WASL: variants seen among roughly 807,000 people sequenced by gnomAD.
WASL encodes WASP like actin nucleation promoting factor.
In WASL, 20 loss-of-function variants were observed where a neutral mutation model predicts 55.5. The ratio of observed to expected loss-of-function variants is 0.36; its 90% CI spans 0.25 to 0.52. The LOEUF (loss-of-function observed/expected upper bound fraction) is 0.52, where lower values mean the gene tolerates loss of function less well. WASL is among the 20% of genes least tolerant of loss of function. The pLI, the probability that WASL is intolerant of heterozygous loss-of-function variation, is 0.92. For missense variants in WASL, 504 were observed against 622.5 expected (o/e 0.81, Z 2.03); for synonymous variants, 249 against 217.6 (o/e 1.14, Z -1.27).
In WASL at chr7:123,694,708, A is replaced by C; in HGVS notation, c.826+7T>G. The stretch of plus-strand genomic sequence containing the variant: ...AAAACAGAACGCTGAATAGAGATAA[A>C]AGTTACCTTGCCTCCGCAGTTCATT... On this transcript the variant is annotated splice_region_variant and intron_variant, in intron 8 of 10. Coordinates refer to ENST00000223023, the MANE Select transcript of WASL (RefSeq NM_003941.4). 6.2e-7 allele frequency: 1 copy of C among 1,612,100 alleles called. No homozygotes were observed. The highest frequency in any genetic ancestry group is 8.5e-7 in the Non-Finnish European group (1 of 1,179,332).
chr7:123,736,573 A>C (rs936821674), intron 1 of WASL, among the ~76,000 whole-genome samples: 35 of 152,188 alleles, frequency 2.3e-4, no homozygotes, highest in Admixed American at 1.8e-3. Context: ...CTGCTCCATT[A>C]TAATCTTATG....
intron 1 of WASL, among the ~76,000 whole-genome samples, chr7:123,733,692 G>A (rs983610512): frequency 1.3e-5 from 2 of 152,042 alleles, no homozygotes; most frequent in African/African-American, 4.8e-5. Context: ...TAACATCAGA[G>A]GACTGACACT....
chr7:123,739,124 T>A (rs1051214459), intron 1 of WASL, among the ~76,000 whole-genome samples: 1 of 152,212 alleles, frequency 6.6e-6, no homozygotes, highest in Non-Finnish European at 1.5e-5. Context: ...AATTTCCAAT[T>A]TTCTTTCTCC....
chr7:123,701,664 AT>A (rs1235511584), intron 5 of WASL, among the ~76,000 whole-genome samples: 1 of 152,210 alleles, frequency 6.6e-6, no homozygotes, highest in Non-Finnish European at 1.5e-5. Flanking sequence ...AAGCACCTGC[AT>A]AGCTACTGGA....
At chr7:123,689,960 T>C (rs1010674105) in intron 9 of WASL, among the ~76,000 whole-genome samples, 3 of 152,220 alleles carry the variant, frequency 2.0e-5, no homozygotes, top group African/African-American at 7.2e-5. Context: ...ATACTCCTTG[T>C]TCTTTCTGGA....
rs1453351885 is a variant in WASL at position 123,696,567 on chromosome 7, G to C, written c.629+12C>G. The C allele has an allele frequency of 1.3e-6, 2 of 1,551,468 alleles. No individual in the cohort carries two copies. Among genetic ancestry groups the C allele is most frequent in the Non-Finnish European group, 8.7e-7 (1 of 1,152,680 alleles). On this transcript the variant is annotated intron_variant, in intron 6 of 10. Coordinates refer to ENST00000223023, the MANE Select transcript of WASL (RefSeq NM_003941.4). Reference sequence around the variant, plus strand: ...AAAAGTGAAGATAAGAACAACAAAAGAACTGTCTTACTGGAAATTGCTTGG... The same window carrying C: ...AAAAGTGAAGATAAGAACAACAAAACAACTGTCTTACTGGAAATTGCTTGG...
chr7:123,718,702 A>G (rs1392231340), intron 1 of WASL, among the ~76,000 whole-genome samples: 1 of 152,164 alleles, frequency 6.6e-6, no homozygotes, highest in Non-Finnish European at 1.5e-5. Flanking sequence ...GCCCCATATA[A>G]TATTTTTAAC....
In WASL at chr7:123,683,886, T is replaced by C. The variant is rs554103596; in HGVS notation, c.*633A>G. 2.6e-5 allele frequency: 4 copies of C among 152,150 alleles called. No homozygotes were observed. In the South Asian group the frequency reaches 8.3e-4, roughly 32 times the overall value. The allele number at this position is 152,150 out of a possible 1,614,324, so 9.4% of individuals were successfully genotyped here. On this transcript the variant is annotated 3_prime_UTR_variant, in exon 11 of 11. Transcript: ENST00000223023. ...GATCCCAGTCTGCAAATACCACTGC[T>C]ATACCAATAACAGGCAGTATTACTG... is the stretch of plus-strand genomic sequence containing the variant.
Position 123,748,656 on chromosome 7 carries a change from T to C in WASL, c.79A>G (p.Asn27Asp). 1 of 1,613,132 alleles carries C rather than the reference T, an allele frequency of 6.2e-7. No homozygotes were observed. Among genetic ancestry groups the C allele is most frequent in the Non-Finnish European group, 8.5e-7 (1 of 1,179,604 alleles). ...VGSLLLTPQE[N>D]ESLFTFLGKK... ...CCGAGGAAAGTGAAGAGGGACTCGT[T>C]CTCCTGCGGGGTGAGCAACAGGGAC... Residue 27 changes from asparagine (N) to aspartate (D), a missense_variant, in exon 1 of 11, where the codon AAC (asparagine) becomes GAC (aspartate). Asn to Asp is a conservative substitution (Grantham distance 23, BLOSUM62 1). This residue lies in a region of WASL where 230 missense variants were observed against 271.9 expected (regional missense o/e 0.85). Transcript: ENST00000223023.
In WASL at chr7:123,730,242, A is replaced by G. The variant is rs558002819; in HGVS notation, c.117+18376T>C. On this transcript the variant is annotated intron_variant, in intron 1 of 10. Transcript: ENST00000223023. ...TTAGAGAAAATGATAGAGGTCAGAA[A>G]CTTGAATACACATACATACAGAAAA... 4.6e-5 allele frequency among the ~76,000 whole-genome samples: 7 copies of G among 152,312 alleles called. No individual in the cohort carries two copies. In the East Asian group the frequency reaches 1.2e-3, roughly 25 times the overall value.
intron 1 of WASL, among the ~76,000 whole-genome samples, chr7:123,716,457 A>C (rs2299982): frequency 0.43 from 65,463 of 151,502 alleles, 14,692 homozygotes; most frequent in South Asian, 0.67. Flanking sequence ...ATCTGCTTGA[A>C]TCTGCTTGAC....
At chr7:123,696,813 T>C in intron 5 of WASL, 66 bp from the exon 6 acceptor site, 5 of 1,111,860 alleles carry the variant, frequency 4.5e-6, no homozygotes, top group Non-Finnish European at 5.9e-6. Context: ...AATCATAATT[T>C]ACAATTTAAA....
Position 123,692,786 on chromosome 7 carries a change from G to A in WASL, c.908C>T (p.Pro303Leu). The change falls in exon 9 of 11, where the codon CCT becomes CTT. Residue 303 changes from proline (P) to leucine (L), a missense_variant. Physicochemically the swap from Pro to Leu is moderately conservative, Grantham distance 98. This residue lies in a region of WASL where 201 missense variants were observed against 206.2 expected (regional missense o/e 0.97). Coordinates refer to ENST00000223023, the MANE Select transcript of WASL (RefSeq NM_003941.4). ...PPHNSGPPPP[P>L]ARGRGAPPPP... is the part of the protein sequence containing the mutation. ...GGGAGGAGCGCCTCTTCCCCTAGCA[G>A]GAGGAGGAGGAGGACCTGAGTTGTG... 7.0e-7 allele frequency: 1 copy of A among 1,436,938 alleles called. No individual in the cohort carries two copies. Among genetic ancestry groups the A allele is most frequent in the Non-Finnish European group, 9.2e-7 (1 of 1,092,018 alleles). The allele number at this position is 1,436,938 out of a possible 1,614,324, so 89.0% of individuals were successfully genotyped here.
At chr7:123,703,494 G>C (rs73718459) in intron 5 of WASL, among the ~76,000 whole-genome samples, 1 of 151,886 alleles carries the variant, frequency 6.6e-6, no homozygotes, top group African/African-American at 2.4e-5. Context: ...TTCAATCCCC[G>C]TAACAGCCCT....
At chr7:123,715,068 T>C (rs1707572356) in intron 1 of WASL, among the ~76,000 whole-genome samples, 1 of 152,154 alleles carries the variant, frequency 6.6e-6, no homozygotes, top group South Asian at 2.1e-4. Context: ...AATTCAGTGA[T>C]TTAAAGAGAT....
At chr7:123,695,657 TG>T (rs777003325) in intron 7 of WASL, among the ~76,000 whole-genome samples, 165 bp downstream of exon 7, 21 of 151,972 alleles carry the variant, frequency 1.4e-4, no homozygotes, top group Non-Finnish European at 2.8e-4. Flanking sequence ...TAGCCATGAA[TG>T]ACAGAACAAT....
chr7:123,687,680 T>TG (rs1803315516), intron 10 of WASL, among the ~76,000 whole-genome samples: 1 of 152,206 alleles, frequency 6.6e-6, no homozygotes, highest in African/African-American at 2.4e-5. Context: ...ACATACTGTA[T>TG]GTTTTTCTAG....
At chr7:123,740,239 T>C (rs1461572434) in intron 1 of WASL, among the ~76,000 whole-genome samples, 1 of 151,990 alleles carries the variant, frequency 6.6e-6, no homozygotes, top group Non-Finnish European at 1.5e-5. Flanking sequence ...ATCTTTCATT[T>C]GATCACATTT....
chr7:123,748,404 T>C (rs766951070), intron 1 of WASL, among the ~76,000 whole-genome samples: 9 of 151,784 alleles, frequency 5.9e-5, no homozygotes, highest in East Asian at 2.0e-4. Flanking sequence ...ACTCCCTTAT[T>C]CTCCAGCAGC....
Sources: allele counts gnomAD v4.1 joint callset (sites outside exome capture counted in the v4.1 genomes callset), GRCh38; gene constraint gnomAD v4.1.1; regional missense constraint gnomAD v4.1.1; transcripts MANE v1.5; gene names NCBI Gene and HGNC (gene_info 2026-07-23, HGNC 2026-07-21).